NAA16: variants seen among roughly 807,000 people sequenced by gnomAD.
The protein encoded by NAA16 is N-alpha-acetyltransferase 16, NatA auxiliary subunit.
Under a neutral mutation model 110.3 loss-of-function variants are expected in NAA16, and 97 were observed. The observed-to-expected ratio is 0.88, with a 90% CI of 0.75 to 1.04. The LOEUF is 1.04. NAA16 is among the 50% of genes least tolerant of loss of function. The pLI, the probability that NAA16 is intolerant of heterozygous loss-of-function variation, is 0.00. For missense variants in NAA16, 1,017 were observed against 1,005.1 expected (o/e 1.01, Z -0.16); for synonymous variants, 372 against 330.6 (o/e 1.13, Z -1.36).
At chr13:41,346,389 G>T (rs7982542) in intron 9 of NAA16, among the ~76,000 whole-genome samples, 11,283 of 152,114 alleles carry the variant, frequency 0.074, 1,391 homozygotes, top group African/African-American at 0.26. Flanking sequence ...TGTTATTCAG[G>T]TGCAGCCACA....
At chr13:41,335,119 G>A (rs1214043534) in intron 8 of NAA16, among the ~76,000 whole-genome samples, 1 of 152,202 alleles carries the variant, frequency 6.6e-6, no homozygotes, top group Non-Finnish European at 1.5e-5. Flanking sequence ...GAGGAGTTCA[G>A]AGTGGCTTCT....
chr13:41,369,173 A>AAG lies in NAA16; in HGVS notation c.1838_1839dup (p.His614SerfsTer35). 1.3e-6 allele frequency: 2 copies of AAG among 1,597,966 alleles called. No individual in the cohort carries two copies. Among genetic ancestry groups the AAG allele is most frequent in the Non-Finnish European group, 1.7e-6 (2 of 1,173,388 alleles). ...AAAGGCTAAACTAGAAGAAGAAAGA[A>AAG]AGCATGCAGAAAGAGAACGTCAACA... On this transcript the variant is annotated frameshift_variant, in exon 15 of 20. Transcript: ENST00000379406. LOFTEE classifies it high-confidence loss of function.
At chr13:41,365,376 C>G (rs548138631) in intron 13 of NAA16, among the ~76,000 whole-genome samples, 1 of 151,940 alleles carries the variant, frequency 6.6e-6, no homozygotes, top group African/African-American at 2.4e-5. Context: ...CTGTAACCTT[C>G]GGGGGAAACT....
chr13:41,324,790 G>C (rs1173864157), intron 5 of NAA16, among the ~76,000 whole-genome samples: 1 of 151,750 alleles, frequency 6.6e-6, no homozygotes, highest in East Asian at 1.9e-4. Flanking sequence ...CTACGACTAG[G>C]ACTTGAACTC....
chr13:41,311,711 G>A, intron 1 of NAA16, 129 bp downstream of exon 1: 1 of 850,740 alleles, frequency 1.2e-6, no homozygotes, highest in South Asian at 1.6e-5. Flanking sequence ...TGTTTACCTC[G>A]GAGGTCGCGG....
At chr13:41,325,643 C>T (rs1358668935) in intron 5 of NAA16, 55 bp from the exon 6 acceptor site, 11 of 1,229,480 alleles carry the variant, frequency 8.9e-6, no homozygotes, top group African/African-American at 1.5e-5. Context: ...AATTAAAGGT[C>T]TGTAACTGCT....
At chr13:41,315,639 C>T (rs183413728) in intron 1 of NAA16, among the ~76,000 whole-genome samples, 1 of 152,206 alleles carries the variant, frequency 6.6e-6, no homozygotes, top group East Asian at 1.9e-4. Flanking sequence ...CATATCATAG[C>T]TGCTCAATAA....
intron 9 of NAA16, among the ~76,000 whole-genome samples, chr13:41,346,548 T>A (rs2042685306): frequency 6.6e-6 from 1 of 152,088 alleles, no homozygotes; most frequent in African/African-American, 2.4e-5. Context: ...ACTGCCTTCA[T>A]CGAGGTTTCC....
In NAA16 at chr13:41,375,689, A is replaced by C. The variant is rs73475147; in HGVS notation, c.*87A>C. The C allele has an allele frequency of 9.0e-5, 89 of 988,852 alleles. No homozygotes were observed. The African/African-American group carries it at 1.4e-3, about 16-fold the overall frequency. The allele number at this position is 988,852 out of a possible 1,614,324, so 61.3% of individuals were successfully genotyped here. A position where few individuals can be genotyped will look rare whatever the true frequency, so the allele number is the denominator to read the frequency against. On this transcript the variant is annotated 3_prime_UTR_variant, in exon 20 of 20. Transcript: ENST00000379406. ...CAGGGTGCATTTTAATATACGTATGAAATGAAATATTTGGTTAGGATTTTT... is the reference window on the plus strand; with the variant it reads ...CAGGGTGCATTTTAATATACGTATGCAATGAAATATTTGGTTAGGATTTTT...
At chr13:41,312,087 G>A (rs2041618855) in intron 1 of NAA16, among the ~76,000 whole-genome samples, 2 of 152,196 alleles carry the variant, frequency 1.3e-5, no homozygotes, top group Admixed American at 1.3e-4. Context: ...TGGTTACGAG[G>A]AAATAAAACC....
chr13:41,318,959 C>A, intron 3 of NAA16, 49 bp downstream of exon 3: 3 of 1,211,330 alleles, frequency 2.5e-6, no homozygotes, highest in Admixed American at 2.5e-5. Context: ...TAGTTTTTTC[C>A]TAATTCAAAT....
chr13:41,314,099 T>C (rs1236231127), intron 1 of NAA16, among the ~76,000 whole-genome samples: 4 of 152,196 alleles, frequency 2.6e-5, no homozygotes, highest in Admixed American at 1.3e-4. Flanking sequence ...TCTATAACTA[T>C]GCCTCAGTTT....
intron 5 of NAA16, among the ~76,000 whole-genome samples, chr13:41,325,382 C>G (rs1365103932): frequency 6.6e-6 from 1 of 152,014 alleles, no homozygotes; most frequent in East Asian, 1.9e-4. Context: ...ATATTTTATT[C>G]TGTGACTTTG....
At chr13:41,315,031 A>G (rs2139361478) in intron 1 of NAA16, among the ~76,000 whole-genome samples, 1 of 152,282 alleles carries the variant, frequency 6.6e-6, no homozygotes, top group East Asian at 1.9e-4. Context: ...TCATTGTTCT[A>G]AGGATCCATT....
intron 9 of NAA16, among the ~76,000 whole-genome samples, chr13:41,342,714 A>T (rs888144869): frequency 1.4e-4 from 22 of 152,248 alleles, no homozygotes; most frequent in African/African-American, 4.8e-4. Context: ...TTATTTCTGT[A>T]ACGCCCATAG....
chr13:41,323,475 A>G (rs1298026234), intron 5 of NAA16, among the ~76,000 whole-genome samples: 6 of 150,506 alleles, frequency 4.0e-5, no homozygotes, highest in East Asian at 3.9e-4. Context: ...CTCAGCCTCC[A>G]GAGTAGCTGG....
chr13:41,375,734 C>T lies in NAA16; in HGVS notation c.*132C>T, dbSNP rs2043417000. 1.5e-6 allele frequency: 1 copy of T among 666,486 alleles called. No homozygotes were observed. Among genetic ancestry groups the T allele is most frequent in the African/African-American group, 1.8e-5 (1 of 54,800 alleles). 41.3% of individuals were successfully genotyped at this position (666,486 alleles called of 1,614,324 possible). A position where few individuals can be genotyped will look rare whatever the true frequency, so the allele number is the denominator to read the frequency against. On this transcript the variant is annotated 3_prime_UTR_variant, in exon 20 of 20. Coordinates refer to ENST00000379406, the MANE Select transcript of NAA16 (RefSeq NM_024561.5). ...ATTTTTAAATGGCATATTCTGTAAG[C>T]TTATTTTGTTCTTTACCCGACCTGC...
intron 1 of NAA16, among the ~76,000 whole-genome samples, chr13:41,315,060 C>CA (rs1277739487): frequency 6.6e-6 from 1 of 152,054 alleles, no homozygotes; most frequent in Non-Finnish European, 1.5e-5. Context: ...GTGGGGAAGA[C>CA]AGACACTAAA....
At position 41,368,987 on chromosome 13, in the gene NAA16, C is replaced by T. The variant is rs1305145076; in HGVS notation, c.1754-103C>T. 11 of 960,958 alleles carry T rather than the reference C, an allele frequency of 1.1e-5. No homozygotes were observed. The East Asian group carries it at 2.1e-4, about 18-fold the overall frequency. 59.5% of individuals were successfully genotyped at this position (960,958 alleles called of 1,614,324 possible). ...GGGGTGGGGGTCATGAACCAATCCCCCACTGATACCAAGGGACAACCATAC... is the reference window on the plus strand; with the variant it reads ...GGGGTGGGGGTCATGAACCAATCCCTCACTGATACCAAGGGACAACCATAC... On this transcript the variant is annotated intron_variant, in intron 14 of 19. Coordinates refer to ENST00000379406, the MANE Select transcript of NAA16 (RefSeq NM_024561.5).
Sources: gnomAD v4.1 joint callset for allele counts (sites outside exome capture counted in the v4.1 genomes callset) on GRCh38, gnomAD v4.1.1 for gene constraint, MANE v1.5 for transcripts, NCBI Gene and HGNC (gene_info 2026-07-23, HGNC 2026-07-21) for gene names.